The following CCT3 variants were observed in gnomAD, a reference collection of about 807,000 sequenced individuals.
CCT3 encodes chaperonin containing TCP1 subunit 3.
In CCT3, 10 loss-of-function variants were observed where a neutral mutation model predicts 65.3. That is an observed-to-expected ratio of 0.15 (90% CI 0.09 to 0.26). The LOEUF is 0.26. CCT3 is among the 10% of genes least tolerant of loss of function. The pLI is 1.00. For synonymous variants in CCT3, 225 were observed against 242.3 expected, an observed-to-expected ratio of 0.93 and a Z score of 0.66; for missense variants, 626 against 708.7, an observed-to-expected ratio of 0.88 and a Z score of 1.33.
chr1:156,314,539 AC>A (rs1410517004), intron 10 of CCT3, among the ~76,000 whole-genome samples: 2 of 151,590 alleles, frequency 1.3e-5, no homozygotes, highest in Non-Finnish European at 2.9e-5. Flanking sequence ...ACATGGAGAA[AC>A]CCCGTCTCTA....
Position 156,335,824 on chromosome 1 carries a change from G to T in CCT3, c.93+3C>A, listed in dbSNP as rs1388972559. The stretch of plus-strand genomic sequence containing the variant: ...TACCATAAACACTTAAAAGATTTGT[G>T]ACCTTGGCAGCATTGATGTTTCCAG... On this transcript the variant is annotated splice_donor_region_variant and intron_variant, in intron 2 of 13. Coordinates refer to ENST00000295688, the MANE Select transcript of CCT3 (RefSeq NM_005998.5). 5 of 1,613,168 alleles carry T rather than the reference G, an allele frequency of 3.1e-6. No individual in the cohort carries two copies. The highest frequency in any genetic ancestry group is 4.2e-6 in the Non-Finnish European group (5 of 1,179,208).
At chr1:156,321,295 C>T (rs1664543416) in intron 6 of CCT3, among the ~76,000 whole-genome samples, 1 of 152,168 alleles carries the variant, frequency 6.6e-6, no homozygotes, top group Non-Finnish European at 1.5e-5. Flanking sequence ...ATAATTTGTT[C>T]CTTATCTTCT....
intron 1 of CCT3, 41 bp from the exon 2 acceptor site, chr1:156,335,929 C>G: frequency 6.7e-7 from 1 of 1,493,130 alleles, no homozygotes; most frequent in Non-Finnish European, 9.3e-7. Flanking sequence ...CCAGGACTGC[C>G]CCATCGTACA....
intron 2 of CCT3, 119 bp from the exon 3 acceptor site, chr1:156,335,037 A>G (rs886084554): frequency 1.2e-6 from 1 of 816,920 alleles, no homozygotes; most frequent in Non-Finnish European, 1.9e-6. Flanking sequence ...ATTTTATTTT[A>G]ATTTTATTTT....
intron 1 of CCT3, chr1:156,336,090 G>T: frequency 4.5e-6 from 2 of 442,184 alleles, no homozygotes; most frequent in Non-Finnish European, 8.0e-6. Context: ...ATGTCCTTAT[G>T]GCTGTTAACT....
intron 10 of CCT3, among the ~76,000 whole-genome samples, chr1:156,314,039 A>G (rs890020160): frequency 6.6e-6 from 1 of 150,458 alleles, no homozygotes; most frequent in Admixed American, 6.7e-5. Context: ...GTGAGCCAAG[A>G]TCACACCACT....
At chr1:156,316,299 G>C (rs543954592) in intron 10 of CCT3, among the ~76,000 whole-genome samples, 1 of 152,092 alleles carries the variant, frequency 6.6e-6, no homozygotes, top group Admixed American at 6.6e-5. Flanking sequence ...TTTTATATAA[G>C]GGTTAAGCAT....
intron 6 of CCT3, among the ~76,000 whole-genome samples, chr1:156,324,229 A>C (rs547478705): frequency 6.7e-6 from 1 of 149,226 alleles, no homozygotes; most frequent in Non-Finnish European, 1.5e-5. Flanking sequence ...CACCATGCCC[A>C]GCTAATTTTC....
intron 7 of CCT3, 127 bp from the exon 8 acceptor site, chr1:156,319,144 GCT>G (rs1378503692): frequency 2.7e-6 from 2 of 737,030 alleles, no homozygotes; most frequent in African/African-American, 3.8e-5. Flanking sequence ...ATGGAGTCTC[GCT>G]CTGTCGCTCA....
At chr1:156,323,372 T>C (rs7538511) in intron 6 of CCT3, among the ~76,000 whole-genome samples, 5 of 151,576 alleles carry the variant, frequency 3.3e-5, no homozygotes, top group Admixed American at 1.3e-4. Context: ...TAAACACTTA[T>C]GCATCTAGTG....
intron 1 of CCT3, chr1:156,336,109 T>C (rs1665338613): frequency 9.3e-6 from 4 of 428,764 alleles, no homozygotes; most frequent in Non-Finnish European, 1.6e-5. Flanking sequence ...CTTCCTTCTG[T>C]ATTTCAATCC....
chr1:156,332,043 A>AAAAAAAAG (rs34561467), intron 5 of CCT3, among the ~76,000 whole-genome samples: 1 of 149,846 alleles, frequency 6.7e-6, no homozygotes, highest in Non-Finnish European at 1.5e-5. Flanking sequence ...AAAAAAAAAA[A>AAAAAAAAG]GAGACATGGT....
chr1:156,328,518 ATTC>A (rs1220241241), intron 5 of CCT3, among the ~76,000 whole-genome samples: 8 of 151,958 alleles, frequency 5.3e-5, no homozygotes, highest in Admixed American at 1.3e-4. Context: ...ACTAAGAAAA[ATTC>A]TTCTGCCTTG....
At chr1:156,311,947 T>C in intron 11 of CCT3, 94 bp downstream of exon 11, 3 of 1,013,710 alleles carry the variant, frequency 3.0e-6, no homozygotes, top group Non-Finnish European at 4.1e-6. Flanking sequence ...TAAATAGCTA[T>C]AAATGGACCA....
At chr1:156,328,710 C>G (rs577270372) in intron 5 of CCT3, among the ~76,000 whole-genome samples, 4 of 152,164 alleles carry the variant, frequency 2.6e-5, no homozygotes, top group South Asian at 4.2e-4. Context: ...CCCAGGGACA[C>G]AAACACTGCG....
chr1:156,326,624 T>C (rs1395856048), intron 5 of CCT3, among the ~76,000 whole-genome samples: 2 of 110,518 alleles, frequency 1.8e-5, no homozygotes, highest in African/African-American at 7.4e-5. Flanking sequence ...CACTCCAGCC[T>C]AAGCCACAGA....
chr1:156,338,258 A>G lies in CCT3; in HGVS notation c.-74T>C, dbSNP rs978716093. The G allele has an allele frequency of 6.7e-7, 1 of 1,500,858 alleles. No individual in the cohort carries two copies. Among genetic ancestry groups the G allele is most frequent in the African/African-American group, 1.4e-5 (1 of 72,792 alleles). The allele number at this position is 1,500,858 out of a possible 1,614,324, so 93.0% of individuals were successfully genotyped here. ...ACCTTCTGGAGAGAGAGAACCAGAC[A>G]GAAGCCCAGAAAACGCTGCCTCCTC... is the stretch of plus-strand genomic sequence containing the variant. On this transcript the variant is annotated 5_prime_UTR_variant, in exon 1 of 14. Coordinates refer to ENST00000295688, the MANE Select transcript of CCT3 (RefSeq NM_005998.5).
intron 7 of CCT3, 113 bp from the exon 8 acceptor site, chr1:156,319,130 TGAG>T: frequency 1.1e-6 from 1 of 888,966 alleles, no homozygotes; most frequent in Non-Finnish European, 1.6e-6. Context: ...TTTTTTTTTT[TGAG>T]ATGGAGTCTC....
chr1:156,325,967 AG>A, intron 5 of CCT3, among the ~76,000 whole-genome samples: 1 of 152,326 alleles, frequency 6.6e-6, no homozygotes, highest in Non-Finnish European at 1.5e-5. Flanking sequence ...CTTGTTTATT[AG>A]TACCTTTATA....
Sources: gnomAD v4.1 joint callset for allele counts (sites outside exome capture counted in the v4.1 genomes callset) on GRCh38, gnomAD v4.1.1 for gene constraint, MANE v1.5 for transcripts, NCBI Gene and HGNC (gene_info 2026-07-23, HGNC 2026-07-21) for gene names.